The following MTAP variants were observed in gnomAD, a reference collection of about 807,000 sequenced individuals.
MTAP encodes the protein methylthioadenosine phosphorylase.
A neutral mutation model predicts 33.6 loss-of-function variants in MTAP; 33 were observed. The ratio of observed to expected loss-of-function variants is 0.98; its 90% CI spans 0.74 to 1.31. MTAP has a LOEUF of 1.31. Ranked by LOEUF, MTAP falls within the 40% of genes most tolerant of loss-of-function variation. MTAP has a pLI of 0.00. For missense variants in MTAP, 367 were observed against 360.0 expected, an observed-to-expected ratio of 1.02 and a Z score of -0.16; for synonymous variants, 148 against 125.7, an observed-to-expected ratio of 1.18 and a Z score of -1.19.
intron 4 of MTAP, among the ~76,000 whole-genome samples, chr9:21,818,627 T>C (rs1824549025): frequency 6.6e-6 from 1 of 152,126 alleles, no homozygotes; most frequent in Non-Finnish European, 1.5e-5. Flanking sequence ...ACCCAGCCTG[T>C]GTTAAGCTTT....
intron 1 of MTAP, chr9:21,803,157 C>A (rs1236914496): frequency 4.9e-6 from 2 of 412,292 alleles, no homozygotes; most frequent in African/African-American, 4.1e-5. Flanking sequence ...CACTCTTCTT[C>A]CAAGAAAGAC....
At chr9:21,914,196 G>A (rs1367525702) in intron 1 of MTAP, among the ~76,000 whole-genome samples, 4 of 152,166 alleles carry the variant, frequency 2.6e-5, no homozygotes, top group Non-Finnish European at 4.4e-5. Context: ...CTGTAAACTA[G>A]TTCAACCATT....
At chr9:21,832,842 C>T (rs1302260218) in intron 4 of MTAP, among the ~76,000 whole-genome samples, 2 of 152,186 alleles carry the variant, frequency 1.3e-5, no homozygotes, top group Non-Finnish European at 2.9e-5. Flanking sequence ...TAGGCCCTTA[C>T]TATGTTTCTG....
chr9:21,930,656 A>G (rs1263793991), intron 1 of MTAP: 1 of 484,202 alleles, frequency 2.1e-6, no homozygotes, highest in East Asian at 3.3e-5. Flanking sequence ...AACCTCAACC[A>G]TGGCCAGAGC....
intron 1 of MTAP, among the ~76,000 whole-genome samples, chr9:21,895,190 C>G (rs193053853): frequency 5.6e-4 from 85 of 152,210 alleles, no homozygotes; most frequent in Non-Finnish European, 9.1e-4. Context: ...AAAATTCATA[C>G]AGAACATGAA....
At chr9:21,910,764 C>A (rs927943407) in intron 1 of MTAP, among the ~76,000 whole-genome samples, 2 of 152,062 alleles carry the variant, frequency 1.3e-5, no homozygotes, top group Non-Finnish European at 2.9e-5. Context: ...CACAGGTGTG[C>A]TACCAGTATC....
intron 4 of MTAP, among the ~76,000 whole-genome samples, chr9:21,836,721 G>A (rs938944534): frequency 1.3e-5 from 2 of 152,196 alleles, no homozygotes; most frequent in African/African-American, 4.8e-5. Flanking sequence ...CCCCTAAAGC[G>A]CATATGACAG....
intron 1 of MTAP, among the ~76,000 whole-genome samples, chr9:21,898,694 C>T (rs776036135): frequency 6.6e-6 from 1 of 152,160 alleles, no homozygotes; most frequent in Non-Finnish European, 1.5e-5. Context: ...TACCATCTCA[C>T]ACCAGTTAGA....
At chr9:21,891,273 A>C (rs777437145) in intron 1 of MTAP, among the ~76,000 whole-genome samples, 5 of 152,158 alleles carry the variant, frequency 3.3e-5, no homozygotes, top group African/African-American at 1.2e-4. Flanking sequence ...ATCCCTTGCA[A>C]TGTTTCTTAA....
chr9:21,868,954 A>G (rs183376414), downstream of MTAP, among the ~76,000 whole-genome samples: 12 of 152,276 alleles, frequency 7.9e-5, no homozygotes, highest in African/African-American at 2.9e-4. Context: ...TGCTGGTCCC[A>G]CTTTGAGAAC....
intron 5 of MTAP, 21 bp downstream of exon 5, chr9:21,838,031 G>A: frequency 1.3e-6 from 2 of 1,593,290 alleles, no homozygotes; most frequent in Non-Finnish European, 1.7e-6. Context: ...TTTCTGGAAG[G>A]TGTACCAGAA....
chr9:21,865,375 C>A lies in MTAP; in HGVS notation c.*3361C>A. 1 of 923,816 alleles carries A rather than the reference C, an allele frequency of 1.1e-6. No homozygotes were observed. Among genetic ancestry groups the A allele is most frequent in the African/African-American group, 1.8e-5 (1 of 56,052 alleles). 57.2% of individuals were successfully genotyped at this position (923,816 alleles called of 1,614,324 possible). ...TATGTGGAACTGTGAGTTAATTAAA[C>A]CTCTTTCCTTTATAAATTACCCAGT... On this transcript the variant is annotated 3_prime_UTR_variant, in exon 8 of 8. Coordinates refer to ENST00000644715, the MANE Select transcript of MTAP (RefSeq NM_002451.4).
chr9:21,803,406 A>C (rs1010020253), intron 1 of MTAP: 2 of 154,188 alleles, frequency 1.3e-5, no homozygotes, highest in Non-Finnish European at 2.9e-5. Context: ...ACTTTCTTCG[A>C]AAAGGAGTAC....
chr9:21,928,722 C>G (rs779585161), intron 1 of MTAP, among the ~76,000 whole-genome samples: 16 of 152,022 alleles, frequency 1.1e-4, no homozygotes, highest in African/African-American at 3.9e-4. Flanking sequence ...TTACCAAACC[C>G]TGAAATGCAT....
At chr9:21,930,076 C>A in intron 1 of MTAP, 2 of 460,030 alleles carry the variant, frequency 4.3e-6, no homozygotes, top group South Asian at 3.4e-5. Flanking sequence ...ATTTCTAGTT[C>A]CAGCCTGATG....
Position 21,862,209 on chromosome 9 carries a change from A to G in MTAP, c.*195A>G. On this transcript the variant is annotated 3_prime_UTR_variant, in exon 8 of 8. Transcript: ENST00000644715. ...TGATTTAGACAACTTCAAAATACAGAAGAAAAGCAAATGACTAGTAAACAT... is the reference window on the plus strand; with the variant it reads ...TGATTTAGACAACTTCAAAATACAGGAGAAAAGCAAATGACTAGTAAACAT... 7.6e-7 allele frequency: 1 copy of G among 1,319,164 alleles called. No homozygotes were observed. Among genetic ancestry groups the G allele is most frequent in the Non-Finnish European group, 9.7e-7 (1 of 1,027,634 alleles). 81.7% of individuals were successfully genotyped at this position (1,319,164 alleles called of 1,614,324 possible). A position where few individuals can be genotyped will look rare whatever the true frequency, so the allele number is the denominator to read the frequency against.
chr9:21,885,321 A>G (rs1161447818), intron 1 of MTAP, among the ~76,000 whole-genome samples: 2 of 152,126 alleles, frequency 1.3e-5, no homozygotes, highest in Non-Finnish European at 1.5e-5. Context: ...GTATACTCCA[A>G]TATATTTGTT....
intron 1 of MTAP, among the ~76,000 whole-genome samples, chr9:21,912,762 A>G (rs1441996742): frequency 6.6e-6 from 1 of 152,208 alleles, no homozygotes; most frequent in Non-Finnish European, 1.5e-5. Flanking sequence ...TATTCAACAT[A>G]GTGTTGGAAG....
chr9:21,902,826 C>T (rs1818414008), intron 1 of MTAP, among the ~76,000 whole-genome samples: 1 of 152,152 alleles, frequency 6.6e-6, no homozygotes, highest in South Asian at 2.1e-4. Flanking sequence ...CCTTTAAGGG[C>T]TGTTAAACAA....
Sources: gnomAD v4.1 joint callset for allele counts (sites outside exome capture counted in the v4.1 genomes callset) on GRCh38, gnomAD v4.1.1 for gene constraint, MANE v1.5 for transcripts, NCBI Gene and HGNC (gene_info 2026-07-23, HGNC 2026-07-21) for gene names.